Variants in APAF1 observed in about 807,000 individuals in gnomAD.
APAF1 encodes apoptotic peptidase activating factor 1, also known as apoptotic protease-activating factor 1.
In APAF1, 91 loss-of-function variants were observed where a neutral mutation model predicts 152.4. The observed-to-expected ratio is 0.60, with a 90% confidence interval of 0.50 to 0.71. The LOEUF (loss-of-function observed/expected upper bound fraction) is 0.71. Ranked by LOEUF, APAF1 falls within the 30% of genes least tolerant of loss-of-function variation. The probability of loss-of-function intolerance (pLI) is 0.00; values close to 1 mark genes in which losing one functional copy is unlikely to be tolerated. For missense variants in APAF1, 1,283 were observed against 1,472.0 expected (o/e 0.87, Z 2.10); for synonymous variants, 484 against 494.1 (o/e 0.98, Z 0.27).
intron 12 of APAF1, among the ~76,000 whole-genome samples, chr12:98,675,741 A>G (rs923715677): frequency 2.0e-5 from 3 of 152,314 alleles, no homozygotes; most frequent in African/African-American, 7.2e-5. Context: ...TGGTATCTGT[A>G]GTGGGTCCTA....
At chr12:98,659,468 G>A in intron 5 of APAF1, 125 bp downstream of exon 5, 3 of 1,068,476 alleles carry the variant, frequency 2.8e-6, no homozygotes, top group Non-Finnish European at 4.3e-6. Flanking sequence ...GAGAACCATT[G>A]CGGCCAGGTG....
chr12:98,723,377 C>G, intron 23 of APAF1, 65 bp downstream of exon 23: 1 of 1,535,722 alleles, frequency 6.5e-7, no homozygotes, highest in Non-Finnish European at 9.0e-7. Flanking sequence ...TATATTGAGA[C>G]AGTCAAAAGC....
intron 12 of APAF1, 41 bp from the exon 13 acceptor site, chr12:98,677,384 C>G (rs1443138779): frequency 2.5e-6 from 4 of 1,599,652 alleles, no homozygotes; most frequent in Non-Finnish European, 3.4e-6. Flanking sequence ...TACTTTTACT[C>G]TCATTTATTT....
At chr12:98,702,016 C>T (rs772417545) in intron 17 of APAF1, among the ~76,000 whole-genome samples, 33 of 152,184 alleles carry the variant, frequency 2.2e-4, no homozygotes, top group Non-Finnish European at 3.8e-4. Context: ...TGGCCTCCGG[C>T]GCTACGCTGC....
At chr12:98,656,075 G>T (rs577154639) in intron 4 of APAF1, among the ~76,000 whole-genome samples, 2 of 151,954 alleles carry the variant, frequency 1.3e-5, no homozygotes, top group African/African-American at 4.8e-5. Flanking sequence ...GAGCCACCGC[G>T]CCCGGCCTTG....
chr12:98,655,852 C>T (rs1176699184), intron 4 of APAF1, among the ~76,000 whole-genome samples: 3 of 151,584 alleles, frequency 2.0e-5, no homozygotes, highest in East Asian at 2.0e-4. Flanking sequence ...GGCGCGGTCT[C>T]GGCTCACTGC....
At chr12:98,667,417 C>A in intron 9 of APAF1, 96 bp from the exon 10 acceptor site, 2 of 1,497,418 alleles carry the variant, frequency 1.3e-6, no homozygotes, top group Middle Eastern at 1.8e-4. Flanking sequence ...AGCCCGGCCT[C>A]TCTGTACATT....
At chr12:98,659,136 G>A (rs762928753) in intron 4 of APAF1, 24 bp from the exon 5 acceptor site, 34 of 1,613,044 alleles carry the variant, frequency 2.1e-5, no homozygotes, top group Non-Finnish European at 2.5e-5. Context: ...AAGGCCTTAA[G>A]TTCATTATTC....
At chr12:98,727,860 G>A (rs1386344979) in intron 26 of APAF1, among the ~76,000 whole-genome samples, 4 of 151,880 alleles carry the variant, frequency 2.6e-5, no homozygotes, top group African/African-American at 4.8e-5. Context: ...AGAATCGCTT[G>A]AACCCGGGAG....
At position 98,734,954 on chromosome 12, in the gene APAF1, A is replaced by G; in HGVS notation, c.*2388A>G. On this transcript the variant is annotated 3_prime_UTR_variant, in exon 27 of 27. Transcript: ENST00000551964. Reference sequence around the variant, plus strand: ...AAGCCTTGAATGGCCCTTGTCTTAAAAAGAAATTAGGAGCCAGGTGCGGTG... The same window carrying G: ...AAGCCTTGAATGGCCCTTGTCTTAAGAAGAAATTAGGAGCCAGGTGCGGTG... 1 of 373,058 alleles carries G rather than the reference A, an allele frequency of 2.7e-6. No homozygotes were observed. The highest frequency in any genetic ancestry group is 4.7e-6 in the Non-Finnish European group (1 of 211,208). The allele number at this position is 373,058 out of a possible 1,614,324, so 23.1% of individuals were successfully genotyped here.
intron 14 of APAF1, among the ~76,000 whole-genome samples, chr12:98,681,432 C>G (rs1199483428): frequency 1.2e-4 from 19 of 152,076 alleles, no homozygotes; most frequent in Non-Finnish European, 2.1e-4. Context: ...AGCATTTATA[C>G]TAATATAGAA....
At chr12:98,699,328 G>T (rs753241888) in intron 16 of APAF1, 80 bp from the exon 17 acceptor site, 2 of 1,373,028 alleles carry the variant, frequency 1.5e-6, no homozygotes, top group African/African-American at 1.4e-5. Flanking sequence ...AGTTTATGTG[G>T]CATTTAATTT....
At chr12:98,692,937 CTGTTT>C in intron 16 of APAF1, among the ~76,000 whole-genome samples, 3 of 152,170 alleles carry the variant, frequency 2.0e-5, no homozygotes, top group Admixed American at 2.0e-4. Context: ...AATGGTAGTT[CTGTTT>C]TAAGTTATTT....
At chr12:98,708,818 T>A (rs1196079173) in intron 20 of APAF1, 114 bp downstream of exon 20, 32 of 993,312 alleles carry the variant, frequency 3.2e-5, no homozygotes, top group Non-Finnish European at 4.8e-5. Flanking sequence ...CTAACAGGTG[T>A]CCAGCAGACA....
chr12:98,649,440 T>G, intron 3 of APAF1, 47 bp from the exon 4 acceptor site: 1 of 1,589,214 alleles, frequency 6.3e-7, no homozygotes. Context: ...CTTCAGTAAT[T>G]ATTCCAAAGT....
At chr12:98,659,831 G>A (rs1052673479) in intron 5 of APAF1, among the ~76,000 whole-genome samples, 4 of 142,854 alleles carry the variant, frequency 2.8e-5, no homozygotes, top group African/African-American at 1.0e-4. Context: ...TATTTAAAAC[G>A]AAAAAAAAAA....
chr12:98,666,462 T>C, intron 9 of APAF1, 105 bp downstream of exon 9: 1 of 1,073,288 alleles, frequency 9.3e-7, no homozygotes, highest in East Asian at 2.5e-5. Flanking sequence ...CATAAGTCCT[T>C]CACCTAGCTT....
At chr12:98,710,843 G>A (rs577521294) in intron 20 of APAF1, among the ~76,000 whole-genome samples, 1 of 152,254 alleles carries the variant, frequency 6.6e-6, no homozygotes, top group East Asian at 1.9e-4. Context: ...GTTCTATGAT[G>A]TTGAATAAAT....
intron 4 of APAF1, among the ~76,000 whole-genome samples, chr12:98,654,362 A>C (rs943668000): frequency 6.6e-6 from 1 of 152,172 alleles, no homozygotes; most frequent in Non-Finnish European, 1.5e-5. Context: ...TTTACTAGGT[A>C]GCCATATCAG....
Sources: allele counts gnomAD v4.1 joint callset (sites outside exome capture counted in the v4.1 genomes callset), GRCh38; gene constraint gnomAD v4.1.1; transcripts MANE v1.5; gene names NCBI Gene and HGNC (gene_info 2026-07-23, HGNC 2026-07-21).